Variants in BCAS3 observed in about 807,000 individuals in gnomAD.
BCAS3 encodes the protein BCAS3 microtubule associated cell migration factor.
Under a neutral mutation model 116.1 loss-of-function variants are expected in BCAS3, and 53 were observed. That is an observed-to-expected ratio of 0.46 (90% CI 0.37 to 0.57). The LOEUF (loss-of-function observed/expected upper bound fraction) is 0.57, where lower values mean the gene tolerates loss of function less well. Among genes scored for constraint, BCAS3 ranks in the 20% least tolerant of loss-of-function variants. The probability of loss-of-function intolerance (pLI) is 0.00; values close to 1 mark genes in which losing one functional copy is unlikely to be tolerated. For missense variants in BCAS3, 917 were observed against 1,165.4 expected (o/e 0.79, Z 3.10); for synonymous variants, 391 against 408.2 (o/e 0.96, Z 0.51).
At position 61,349,436 on chromosome 17, in the gene BCAS3, A is replaced by C. The variant is rs769252760; in HGVS notation, c.2426-18891A>C. ...CACTGACCGAACAGAGTTTCTGAAC[A>C]ACTGAGTGGGAAATTCTGCACTTAG... On this transcript the variant is annotated intron_variant, in intron 22 of 23. Coordinates refer to ENST00000407086, the MANE Select transcript of BCAS3 (RefSeq NM_017679.5). This position sits in a 1 kb window ranked among gnomAD's most constrained non-coding sequence, Gnocchi z 4.7. 6.6e-6 allele frequency among the ~76,000 whole-genome samples: 1 copy of C among 152,174 alleles called. No homozygotes were observed. The highest frequency in any genetic ancestry group is 2.4e-5 in the African/African-American group (1 of 41,450).
chr17:60,992,053 G>C (rs760823181), intron 15 of BCAS3, among the ~76,000 whole-genome samples: 6 of 151,954 alleles, frequency 3.9e-5, no homozygotes, highest in Admixed American at 3.9e-4. Context: ...TGGTTATTGT[G>C]AATAGTGCTA....
rs1054543301 is a variant in BCAS3, at chr17:61,364,615, G to A, written c.2426-3712G>A. On this transcript the variant is annotated intron_variant, in intron 22 of 23. Coordinates refer to ENST00000407086, the MANE Select transcript of BCAS3 (RefSeq NM_017679.5). The surrounding 1 kb of genome is among the most constrained non-coding windows in gnomAD (Gnocchi z 5.4). The stretch of plus-strand genomic sequence containing the variant: ...CCCAGCTACTCAGGAGGCTGAGGTG[G>A]AAGGATCTCTTCAGCCCAGGAGGCT... Among the ~76,000 whole-genome samples, 1 of 152,214 alleles carries A rather than the reference G, an allele frequency of 6.6e-6. No homozygotes were observed. The highest frequency in any genetic ancestry group is 1.5e-5 in the Non-Finnish European group (1 of 68,040).
In BCAS3 at chr17:61,391,985, C is replaced by A; in HGVS notation, c.2602C>A (p.Arg868=). ...TCTCCTGTGTCTTGCAGAACTTCAGCGAGAGGGAAGCATCGAGACTCTGAG... is the reference window on the plus strand; with the variant it reads ...TCTCCTGTGTCTTGCAGAACTTCAGAGAGAGGGAAGCATCGAGACTCTGAG... ...DVVGSGTELQ[R]EGSIETLSNS... Residue 868 remains arginine (R), a synonymous_variant, in exon 24 of 24, where the codon CGA becomes AGA. Coordinates refer to ENST00000407086, the MANE Select transcript of BCAS3 (RefSeq NM_017679.5). The surrounding 1 kb of genome is among the most constrained non-coding windows in gnomAD (Gnocchi z 7.7). 6.2e-7 allele frequency: 1 copy of A among 1,613,536 alleles called. No individual in the cohort carries two copies. The highest frequency in any genetic ancestry group is 8.5e-7 in the Non-Finnish European group (1 of 1,179,872).
rs901868360 is a variant in BCAS3 at position 61,205,030 on chromosome 17, C to CA, written c.2425+120474dup. 1.1e-4 allele frequency among the ~76,000 whole-genome samples: 16 copies of CA among 151,254 alleles called. No homozygotes were observed. The highest frequency in any genetic ancestry group is 1.8e-4 in the Non-Finnish European group (12 of 67,852). ...ATTGTGCCAGAGTGAGACCTTGTCTCAAAAAAAATTAAAGAATGACAGGAT... is the reference window on the plus strand; with the variant it reads ...ATTGTGCCAGAGTGAGACCTTGTCTCAAAAAAAAATTAAAGAATGACAGGAT... On this transcript the variant is annotated intron_variant, in intron 22 of 23. Transcript: ENST00000407086. This position sits in a 1 kb window ranked among gnomAD's most constrained non-coding sequence, Gnocchi z 5.2.
At chr17:60,812,381 G>C (rs2048915267) in intron 7 of BCAS3, among the ~76,000 whole-genome samples, 1 of 152,160 alleles carries the variant, frequency 6.6e-6, no homozygotes, top group Admixed American at 6.5e-5. Flanking sequence ...AGATGGGGAT[G>C]GAGAGGGACA....
chr17:61,362,834 G>A lies in BCAS3; in HGVS notation c.2426-5493G>A, dbSNP rs200750174. 2 of 152,070 alleles carry A rather than the reference G, an allele frequency of 1.3e-5. No homozygotes were observed. The highest frequency in any genetic ancestry group is 3.8e-4 in the East Asian group (2 of 5,196). The allele number at this position is 152,070 out of a possible 1,614,324, so 9.4% of individuals were successfully genotyped here. A position where few individuals can be genotyped will look rare whatever the true frequency, so the allele number is the denominator to read the frequency against. ...AAATAAGTGCACAGAAGGCAGTAGA[G>A]TAAAATTGTGACATTGTTTTCTGCT... is the stretch of plus-strand genomic sequence containing the variant. On this transcript the variant is annotated intron_variant, in intron 22 of 23. Transcript: ENST00000407086. This position sits in a 1 kb window ranked among gnomAD's most constrained non-coding sequence, Gnocchi z 4.4.
intron 10 of BCAS3, among the ~76,000 whole-genome samples, chr17:60,892,609 G>T (rs1254849749): frequency 6.7e-6 from 1 of 148,438 alleles, no homozygotes; most frequent in South Asian, 2.4e-4. Flanking sequence ...GCGTCCGGCC[G>T]TTTTTGGCTT....
rs1287576396 is a variant in BCAS3, at chr17:61,328,172, T to G, written c.2426-40155T>G. Among the ~76,000 whole-genome samples, 10 of 152,038 alleles carry G rather than the reference T, an allele frequency of 6.6e-5. No individual in the cohort carries two copies. The East Asian group carries it at 1.7e-3, about 26-fold the overall frequency. The stretch of plus-strand genomic sequence containing the variant: ...AACCTATAGCTTTAAAAAAAAAACC[T>G]TAATAACATTTTTAAGTTTTAAAAA... On this transcript the variant is annotated intron_variant, in intron 22 of 23. Coordinates refer to ENST00000407086, the MANE Select transcript of BCAS3 (RefSeq NM_017679.5).
chr17:60,752,674 C>T (rs530023434), intron 6 of BCAS3, among the ~76,000 whole-genome samples: 6 of 152,046 alleles, frequency 3.9e-5, no homozygotes, highest in Admixed American at 1.3e-4. Flanking sequence ...CCGCCTGCCT[C>T]GGCCTTGTGT....
chr17:61,011,049 G>C (rs1049364202), intron 15 of BCAS3, among the ~76,000 whole-genome samples: 2 of 151,954 alleles, frequency 1.3e-5, no homozygotes, highest in Admixed American at 1.3e-4. Context: ...AAGTATAATA[G>C]TGTGTGAAAT....
rs147872842 is a variant in BCAS3 at position 60,748,243 on chromosome 17, G to T, written c.403+964G>T. Among the ~76,000 whole-genome samples the T allele has an allele frequency of 6.8e-4, 103 of 152,244 alleles. 1 individual carries two copies. The highest frequency in any genetic ancestry group is 1.5e-4 in the Non-Finnish European group (10 of 68,022). On this transcript the variant is annotated intron_variant, in intron 6 of 23. Transcript: ENST00000407086. ...TGTGATTGTGTGTAAATAATTTAGGGATTAATTTAGCAACTAAATCTGCCT... is the reference window on the plus strand; with the variant it reads ...TGTGATTGTGTGTAAATAATTTAGGTATTAATTTAGCAACTAAATCTGCCT...
chr17:60,707,260 T>TGGGATTA (rs555473244), intron 4 of BCAS3, among the ~76,000 whole-genome samples: 1,735 of 152,120 alleles, frequency 0.011, 27 homozygotes, highest in African/African-American at 0.04. Context: ...CCCAAAGTGC[T>TGGGATTA]GGGATTACAG....
intron 22 of BCAS3, among the ~76,000 whole-genome samples, chr17:61,182,089 G>A (rs555671752): frequency 1.1e-3 from 162 of 152,086 alleles, no homozygotes; most frequent in Non-Finnish European, 2.1e-3. Flanking sequence ...TGCCCTGTTG[G>A]TCTCAAACTC....
intron 5 of BCAS3, among the ~76,000 whole-genome samples, chr17:60,737,388 C>T (rs1448955861): frequency 6.6e-6 from 1 of 152,112 alleles, no homozygotes; most frequent in Non-Finnish European, 1.5e-5. Context: ...TTTTCAATTT[C>T]ATTGATTTCT....
Position 60,874,662 on chromosome 17 carries a change from G to T in BCAS3, c.585G>T (p.Arg195=). 6.3e-7 allele frequency: 1 copy of T among 1,596,638 alleles called. No individual in the cohort carries two copies. Among genetic ancestry groups the T allele is most frequent in the East Asian group, 2.3e-5 (1 of 44,422 alleles). ...GTTTTTTTTCTCTCTCTAATTTTAG[G>T]ATCCTTGTCGTAGTCTTGCAGGAGA... ...TPIYDLHCNK[R]ILVVVLQEKI... Residue 195 remains arginine, a splice_region_variant and synonymous_variant, in exon 9 of 24, where the codon CGG becomes CGT. Transcript: ENST00000407086.
At chr17:60,804,052 C>T (rs370033736) in intron 6 of BCAS3, among the ~76,000 whole-genome samples, 1 of 151,078 alleles carries the variant, frequency 6.6e-6, no homozygotes, top group Non-Finnish European at 1.5e-5. Flanking sequence ...ATCTGCCCGC[C>T]ACGGCCTCCC....
chr17:60,754,005 A>T (rs899713704), intron 6 of BCAS3, among the ~76,000 whole-genome samples: 1 of 152,072 alleles, frequency 6.6e-6, no homozygotes, highest in Admixed American at 6.6e-5. Flanking sequence ...GTTGTTTATA[A>T]ATTATCAGTG....
chr17:60,788,144 A>C (rs1368192865), intron 6 of BCAS3, among the ~76,000 whole-genome samples: 1 of 152,164 alleles, frequency 6.6e-6, no homozygotes, highest in Non-Finnish European at 1.5e-5. Flanking sequence ...TTAAATGCAG[A>C]CGCCTTTATC....
chr17:61,344,934 T>A lies in BCAS3; in HGVS notation c.2426-23393T>A. On this transcript the variant is annotated intron_variant, in intron 22 of 23. Coordinates refer to ENST00000407086, the MANE Select transcript of BCAS3 (RefSeq NM_017679.5). The surrounding 1 kb of genome is among the most constrained non-coding windows in gnomAD (Gnocchi z 4.1). ...TCGGAAATACACACACACACACACATACACACACACACACGCACACCCCTC... is the reference window on the plus strand; with the variant it reads ...TCGGAAATACACACACACACACACAAACACACACACACACGCACACCCCTC... Among the ~76,000 whole-genome samples the A allele has an allele frequency of 7.0e-6, 1 of 143,022 alleles. No individual in the cohort carries two copies. The highest frequency in any genetic ancestry group is 2.0e-4 in the East Asian group (1 of 5,100). 93.8% of individuals were successfully genotyped at this position (143,022 alleles called of 152,430 possible).
Sources: gnomAD v4.1 joint callset for allele counts (sites outside exome capture counted in the v4.1 genomes callset) on GRCh38, gnomAD v4.1.1 for gene constraint, Gnocchi (gnomAD v3.1) non-coding constraint, MANE v1.5 for transcripts, NCBI Gene and HGNC (gene_info 2026-07-23, HGNC 2026-07-21) for gene names.